CAST: variants seen among roughly 807,000 people sequenced by gnomAD.
CAST encodes the protein calpastatin, also known as MIR583 host.
Under a neutral mutation model 119.6 loss-of-function variants are expected in CAST, and 76 were observed. The ratio of observed to expected loss-of-function variants is 0.64; its 90% CI spans 0.53 to 0.77. CAST has a LOEUF of 0.77. CAST is among the 30% of genes least tolerant of loss of function. CAST has a pLI of 0.00. For synonymous variants in CAST, 319 were observed against 331.6 expected, an observed-to-expected ratio of 0.96 and a Z score of 0.41; for missense variants, 953 against 946.5, an observed-to-expected ratio of 1.01 and a Z score of -0.09.
chr5:96,226,940 G>A, the CAST span, among the ~76,000 whole-genome samples: 8 of 152,150 alleles, frequency 5.3e-5, no homozygotes, highest in Admixed American at 3.9e-4. Context: ...CACACTATTG[G>A]CTATGTATTC....
the CAST span, among the ~76,000 whole-genome samples, chr5:96,519,631 G>A: frequency 7.9e-5 from 12 of 152,020 alleles, no homozygotes; most frequent in African/African-American, 2.9e-4. Context: ...CTTCAAGATG[G>A]TGTCTCACTC....
At chr5:96,058,234 C>T in the CAST span, among the ~76,000 whole-genome samples, 2 of 152,126 alleles carry the variant, frequency 1.3e-5, no homozygotes, top group African/African-American at 4.8e-5. Flanking sequence ...AAGAGTGTCT[C>T]ACAGGATCAC....
chr5:96,326,884 G>A, the CAST span, among the ~76,000 whole-genome samples: 1 of 152,206 alleles, frequency 6.6e-6, no homozygotes, highest in Middle Eastern at 3.4e-3. Flanking sequence ...TGATTCAAAT[G>A]TCAGGGGCCA....
At chr5:96,680,323 C>G (rs919942074) in intron 2 of CAST, among the ~76,000 whole-genome samples, 2 of 131,914 alleles carry the variant, frequency 1.5e-5, no homozygotes, top group African/African-American at 6.1e-5. Context: ...CCACTGCACT[C>G]CAGCCTGGGC....
At chr5:96,736,074 C>T in intron 9 of CAST, 98 bp from the exon 10 acceptor site, 1 of 717,446 alleles carries the variant, frequency 1.4e-6, no homozygotes, top group Non-Finnish European at 2.4e-6. Flanking sequence ...AGTGTATGAT[C>T]AATGCTTGTT....
At chr5:96,228,221 T>A in the CAST span, among the ~76,000 whole-genome samples, 26 of 152,166 alleles carry the variant, frequency 1.7e-4, no homozygotes, top group Non-Finnish European at 3.4e-4. Flanking sequence ...GTACCAAATC[T>A]GGAACATCCT....
At chr5:95,962,377 G>A in the CAST span, among the ~76,000 whole-genome samples, 1 of 152,228 alleles carries the variant, frequency 6.6e-6, no homozygotes, top group African/African-American at 2.4e-5. Flanking sequence ...GGGGGAGGAC[G>A]CAGCAGGAGG....
the CAST span, among the ~76,000 whole-genome samples, chr5:96,210,768 G>A: frequency 3.3e-5 from 5 of 151,806 alleles, no homozygotes; most frequent in African/African-American, 9.7e-5. Context: ...ATCTATTTAG[G>A]GAAAATTAAT....
intron 16 of CAST, among the ~76,000 whole-genome samples, 158 bp from the exon 17 acceptor site, chr5:96,746,184 C>T (rs1056012334): frequency 6.6e-6 from 1 of 152,164 alleles, no homozygotes; most frequent in Non-Finnish European, 1.5e-5. Flanking sequence ...TCACAGCTGC[C>T]CACCATCGTC....
chr5:96,457,460 T>C, the CAST span, among the ~76,000 whole-genome samples: 1 of 152,152 alleles, frequency 6.6e-6, no homozygotes, highest in Middle Eastern at 3.2e-3. Flanking sequence ...ATACAGCTCT[T>C]AGATTGACTA....
At chr5:96,164,035 G>GAA in the CAST span, among the ~76,000 whole-genome samples, 1 of 150,150 alleles carries the variant, frequency 6.7e-6, no homozygotes, top group South Asian at 2.1e-4. Flanking sequence ...ATTGGTACAT[G>GAA]AAAAAAAAAC....
rs1435729821 is a variant in CAST at position 96,673,731 on chromosome 5, A to G, written c.76-1808A>G. Among the ~76,000 whole-genome samples the G allele has an allele frequency of 2.0e-5, 3 of 152,216 alleles. No homozygotes were observed. The East Asian group carries it at 5.8e-4, about 29-fold the overall frequency. Reference sequence around the variant, plus strand: ...GGCTTTTAGAAATCTTTTGCTCATCAATTATTCTAATATTTATCAATTGCC... The same window carrying G: ...GGCTTTTAGAAATCTTTTGCTCATCGATTATTCTAATATTTATCAATTGCC... On this transcript the variant is annotated intron_variant, in intron 1 of 31. Coordinates refer to ENST00000675179, the MANE Select transcript of CAST (RefSeq NM_001750.7).
chr5:95,986,253 A>G, the CAST span: 1 of 152,232 alleles, frequency 6.6e-6, no homozygotes, highest in Non-Finnish European at 1.5e-5. Flanking sequence ...TTAGCTTCAG[A>G]ACATACGCAG....
chr5:96,566,205 G>C (rs565287730), intron 1 of CAST, among the ~76,000 whole-genome samples: 1 of 152,176 alleles, frequency 6.6e-6, no homozygotes, highest in East Asian at 1.9e-4. Flanking sequence ...GACTTGACAC[G>C]CTCTGCCTTT....
chr5:96,557,905 CTTTT>C (rs1265466372), intron 1 of CAST, among the ~76,000 whole-genome samples: 1 of 152,158 alleles, frequency 6.6e-6, no homozygotes, highest in Non-Finnish European at 1.5e-5. Flanking sequence ...ACTATACATT[CTTTT>C]CAGCACCACA....
chr5:96,726,846 AAC>A lies in CAST; in HGVS notation c.327_328del (p.His109GlnfsTer10), dbSNP rs1759339781. The A allele has an allele frequency of 1.2e-6, 2 of 1,612,688 alleles. No individual in the cohort carries two copies. The highest frequency in any genetic ancestry group is 1.7e-6 in the Non-Finnish European group (2 of 1,178,838). On this transcript the variant is annotated frameshift_variant, in exon 5 of 32. Transcript: ENST00000675179. LOFTEE classifies it high-confidence loss of function. Reference sequence around the variant, plus strand: ...GGACCACATCTTCCTAACAAGAAAAAACACAAAAAACAGGTGATGTTGTTCAT... The same window carrying A: ...GGACCACATCTTCCTAACAAGAAAAAACAAAAAACAGGTGATGTTGTTCAT...
chr5:96,027,038 C>G, the CAST span, among the ~76,000 whole-genome samples: 403 of 152,094 alleles, frequency 2.6e-3, 1 homozygote, highest in African/African-American at 8.7e-3. Context: ...TAGTGAGACC[C>G]TGTCTCTAAA....
the CAST span, among the ~76,000 whole-genome samples, chr5:96,121,301 G>A: frequency 6.6e-6 from 1 of 152,140 alleles, no homozygotes; most frequent in Non-Finnish European, 1.5e-5. Context: ...TAAGCACAGT[G>A]TATGGCACAG....
chr5:96,084,378 G>A, the CAST span, among the ~76,000 whole-genome samples: 1 of 152,108 alleles, frequency 6.6e-6, no homozygotes, highest in Admixed American at 6.6e-5. Context: ...TTCAAAGAGG[G>A]ATTGGGATTC....
Sources: allele counts gnomAD v4.1 joint callset (sites outside exome capture counted in the v4.1 genomes callset), GRCh38; gene constraint gnomAD v4.1.1; transcripts MANE v1.5; gene names NCBI Gene and HGNC (gene_info 2026-07-23, HGNC 2026-07-21).